The following KIAA1217 variants were observed in gnomAD, a reference collection of about 807,000 sequenced individuals.
KIAA1217 encodes the protein sickle tail protein homolog.
A neutral mutation model predicts 163.9 loss-of-function variants in KIAA1217; 88 were observed. That is an observed-to-expected ratio of 0.54 (90% CI 0.45 to 0.64). The LOEUF (loss-of-function observed/expected upper bound fraction) is 0.64, where lower values mean the gene tolerates loss of function less well. Among genes scored for constraint, KIAA1217 ranks in the 30% least tolerant of loss-of-function variants. The probability of loss-of-function intolerance (pLI) is 0.00; values close to 1 mark genes in which losing one functional copy is unlikely to be tolerated. For synonymous variants in KIAA1217, 903 were observed against 923.1 expected, an observed-to-expected ratio of 0.98 and a Z score of 0.39; for missense variants, 2,372 against 2,475.0, an observed-to-expected ratio of 0.96 and a Z score of 0.88.
intron 1 of KIAA1217, among the ~76,000 whole-genome samples, chr10:23,813,039 A>G (rs1837146896): frequency 6.6e-6 from 1 of 152,074 alleles, no homozygotes; most frequent in South Asian, 2.1e-4. Context: ...AGGCTACACC[A>G]TGTTACATGT....
At chr10:24,540,959 G>T (rs2074962469) in intron 17 of KIAA1217, among the ~76,000 whole-genome samples, 1 of 151,646 alleles carries the variant, frequency 6.6e-6, no homozygotes. Context: ...AGTAGAGATG[G>T]GATTTCACCG....
chr10:23,888,547 A>G (rs560993390), intron 1 of KIAA1217, among the ~76,000 whole-genome samples: 68 of 152,048 alleles, frequency 4.5e-4, no homozygotes, highest in African/African-American at 1.6e-3. Context: ...ATTTGGTTAT[A>G]GAAAACCCAG....
At chr10:24,192,123 A>G (rs1379695496) in intron 2 of KIAA1217, among the ~76,000 whole-genome samples, 3 of 152,260 alleles carry the variant, frequency 2.0e-5, no homozygotes, top group Non-Finnish European at 4.4e-5. Flanking sequence ...AGGAAGATCC[A>G]AAGAAAGAGG....
chr10:24,279,812 TA>T (rs992023266), intron 2 of KIAA1217, among the ~76,000 whole-genome samples: 2 of 152,106 alleles, frequency 1.3e-5, no homozygotes, highest in African/African-American at 2.4e-5. Context: ...GTTATTATGG[TA>T]AAAAAATAAT....
At chr10:24,414,060 T>C (rs961022962) in intron 3 of KIAA1217, among the ~76,000 whole-genome samples, 1 of 152,220 alleles carries the variant, frequency 6.6e-6, no homozygotes, top group Non-Finnish European at 1.5e-5. Context: ...CCCATTTTGT[T>C]TAAGTGTGAA....
At chr10:24,270,919 T>A (rs1179016278) in intron 2 of KIAA1217, among the ~76,000 whole-genome samples, 3 of 152,160 alleles carry the variant, frequency 2.0e-5, no homozygotes, top group African/African-American at 7.2e-5. Flanking sequence ...TACAGCAATA[T>A]TTTTTTGATC....
chr10:24,146,773 G>A (rs1329487169), intron 2 of KIAA1217, among the ~76,000 whole-genome samples: 1 of 152,146 alleles, frequency 6.6e-6, no homozygotes, highest in African/African-American at 2.4e-5. Flanking sequence ...AGACAGGCTA[G>A]GATAATCCAC....
At chr10:24,528,997 G>A (rs533602845) in intron 14 of KIAA1217, among the ~76,000 whole-genome samples, 61 of 152,134 alleles carry the variant, frequency 4.0e-4, no homozygotes, top group Admixed American at 1.7e-3. Flanking sequence ...TACAAGCCAC[G>A]CGTCTTATTC....
At chr10:23,788,484 A>G (rs1835597020) in intron 1 of KIAA1217, among the ~76,000 whole-genome samples, 1 of 152,148 alleles carries the variant, frequency 6.6e-6, no homozygotes, top group African/African-American at 2.4e-5. Flanking sequence ...TTTAGACATA[A>G]GGTTTCCAAA....
At chr10:24,412,442 C>A (rs2057869768) in intron 3 of KIAA1217, among the ~76,000 whole-genome samples, 1 of 152,212 alleles carries the variant, frequency 6.6e-6, no homozygotes, top group African/African-American at 2.4e-5. Flanking sequence ...TTCTCTTGGA[C>A]CCATCCATTG....
chr10:24,244,861 G>A (rs1383357158), intron 2 of KIAA1217, among the ~76,000 whole-genome samples: 1 of 152,000 alleles, frequency 6.6e-6, no homozygotes, highest in Non-Finnish European at 1.5e-5. Context: ...CAGTGCTTCC[G>A]GCCAGCTTAT....
chr10:24,483,105 T>A (rs960046026), intron 6 of KIAA1217: 1 of 151,742 alleles, frequency 6.6e-6, no homozygotes, highest in African/African-American at 2.4e-5. Flanking sequence ...TCCTTGTCCA[T>A]CCTCAAAGCT....
At chr10:24,442,638 G>A (rs1024405366) in intron 5 of KIAA1217, among the ~76,000 whole-genome samples, 41 of 152,146 alleles carry the variant, frequency 2.7e-4, no homozygotes, top group African/African-American at 9.7e-4. Context: ...GAGGGGCTAT[G>A]ATAGGGTGTG....
intron 2 of KIAA1217, among the ~76,000 whole-genome samples, chr10:24,228,291 G>A (rs1050008020): frequency 1.3e-5 from 2 of 151,862 alleles, no homozygotes; most frequent in African/African-American, 4.8e-5. Flanking sequence ...ATCAAATATA[G>A]GTTATCATAA....
intron 14 of KIAA1217, among the ~76,000 whole-genome samples, 184 bp downstream of exon 14, chr10:24,528,303 C>CTTTTTGTTTTTTT (rs1432419543): frequency 1.4e-5 from 2 of 144,132 alleles, no homozygotes; most frequent in Non-Finnish European, 3.0e-5. Context: ...CTATCTCTCT[C>CTTTTTGTTTTTTT]TTTTTGTTTT....
intron 2 of KIAA1217, among the ~76,000 whole-genome samples, chr10:24,329,658 A>T (rs2133502289): frequency 6.6e-6 from 1 of 152,244 alleles, no homozygotes; most frequent in East Asian, 1.9e-4. Context: ...GAATGAAAAT[A>T]CCCATCTTTC....
chr10:23,843,679 G>C (rs914392190), intron 1 of KIAA1217, among the ~76,000 whole-genome samples: 2 of 152,158 alleles, frequency 1.3e-5, no homozygotes, highest in Admixed American at 6.6e-5. Flanking sequence ...AGGATACTGG[G>C]ATAAGATCTT....
intron 8 of KIAA1217, among the ~76,000 whole-genome samples, chr10:24,497,535 C>A (rs2066945474): frequency 6.6e-6 from 1 of 151,854 alleles, no homozygotes; most frequent in Non-Finnish European, 1.5e-5. Flanking sequence ...GAGTTTGAGA[C>A]CAGCCTGGGC....
At chr10:24,154,019 G>C (rs1025158728) in intron 2 of KIAA1217, among the ~76,000 whole-genome samples, 4 of 150,030 alleles carry the variant, frequency 2.7e-5, no homozygotes, top group Non-Finnish European at 5.9e-5. Context: ...GTGCAGTGGC[G>C]GGATCTCGGC....
Sources: gnomAD v4.1 joint callset for allele counts (sites outside exome capture counted in the v4.1 genomes callset) on GRCh38, gnomAD v4.1.1 for gene constraint, MANE v1.5 for transcripts, NCBI Gene and HGNC (gene_info 2026-07-23, HGNC 2026-07-21) for gene names.